The following ATRN variants were observed in gnomAD, a reference collection of about 807,000 sequenced individuals.
The protein encoded by ATRN is attractin-2.
Under a neutral mutation model 178.7 loss-of-function variants are expected in ATRN, and 54 were observed. The ratio of observed to expected loss-of-function variants is 0.30; its 90% CI spans 0.24 to 0.38. The LOEUF is 0.38. ATRN is among the 10% of genes least tolerant of loss of function. The pLI is 1.00. For synonymous variants in ATRN, 636 were observed against 663.0 expected (o/e 0.96, Z 0.63); for missense variants, 1,443 against 1,815.1 (o/e 0.79, Z 3.73).
At chr20:3,547,035 T>C (rs1303285086) in intron 4 of ATRN, among the ~76,000 whole-genome samples, 3 of 152,210 alleles carry the variant, frequency 2.0e-5, no homozygotes, top group Non-Finnish European at 4.4e-5. Flanking sequence ...TCTTTGACTT[T>C]ATGAGTTATT....
chr20:3,475,076 G>C (rs1363375081), intron 1 of ATRN, among the ~76,000 whole-genome samples: 8 of 151,744 alleles, frequency 5.3e-5, no homozygotes, highest in African/African-American at 1.7e-4. Context: ...TATTCTTTTG[G>C]GGGCAAGAGT....
In ATRN at chr20:3,605,949, G is replaced by A. The variant is rs181374180; in HGVS notation, c.3801+1687G>A. Among the ~76,000 whole-genome samples, 3 of 152,268 alleles carry A rather than the reference G, an allele frequency of 2.0e-5. No homozygotes were observed. The East Asian group carries it at 5.8e-4, about 29-fold the overall frequency. ...AAGCAAGTTATCACTCATCAATTAG[G>A]ATGCCTTGGGACTGTGACTAAAGAA... On this transcript the variant is annotated intron_variant, in intron 24 of 28. Coordinates refer to ENST00000262919, the MANE Select transcript of ATRN (RefSeq NM_139321.3).
At chr20:3,490,765 A>G in intron 1 of ATRN, 3 of 790,714 alleles carry the variant, frequency 3.8e-6, no homozygotes, top group Middle Eastern at 2.3e-4. Flanking sequence ...AGTCTATTAT[A>G]GAATTCAGCA....
intron 1 of ATRN, among the ~76,000 whole-genome samples, chr20:3,497,634 T>C (rs1395718876): frequency 2.0e-5 from 3 of 152,138 alleles, no homozygotes; most frequent in Non-Finnish European, 1.5e-5. Context: ...CTGACAATTA[T>C]GTGTCTTGGA....
At chr20:3,528,366 CA>C (rs35386929) in intron 1 of ATRN, among the ~76,000 whole-genome samples, 61 of 141,216 alleles carry the variant, frequency 4.3e-4, no homozygotes, top group East Asian at 6.3e-4. Flanking sequence ...AACTCCGTCT[CA>C]AAAAAAAAAA....
chr20:3,489,616 C>G, intron 1 of ATRN: 7 of 1,462,118 alleles, frequency 4.8e-6, no homozygotes, highest in Non-Finnish European at 6.7e-6. Context: ...CCTCCAGTGT[C>G]AGGCTGCCAT....
intron 25 of ATRN, among the ~76,000 whole-genome samples, chr20:3,630,596 C>T (rs1398992068): frequency 6.6e-6 from 1 of 152,154 alleles, no homozygotes; most frequent in Non-Finnish European, 1.5e-5. Context: ...CTGCCAAGTA[C>T]GTACAGCCTG....
At chr20:3,508,350 T>C (rs945578382) in intron 1 of ATRN, among the ~76,000 whole-genome samples, 8 of 152,186 alleles carry the variant, frequency 5.3e-5, no homozygotes, top group African/African-American at 1.9e-4. Flanking sequence ...TGACAAACTT[T>C]CTTTTTAAAG....
chr20:3,572,689 C>G (rs1482124161), intron 11 of ATRN, 42 bp from the exon 12 acceptor site: 1 of 1,508,490 alleles, frequency 6.6e-7, no homozygotes, highest in South Asian at 1.2e-5. Flanking sequence ...CAATTGTTAT[C>G]TGAGTCTCTA....
intron 11 of ATRN, 84 bp downstream of exon 11, chr20:3,565,516 C>T: frequency 8.1e-7 from 1 of 1,229,472 alleles, no homozygotes; most frequent in Admixed American, 1.9e-5. Flanking sequence ...GCCTGTAATT[C>T]TGGCACTTTG....
intron 1 of ATRN, among the ~76,000 whole-genome samples, chr20:3,524,574 A>G (rs151539): frequency 0.27 from 40,601 of 152,096 alleles, 5,985 homozygotes; most frequent in African/African-American, 0.33. Flanking sequence ...CCTAATAGAC[A>G]TCTACCGAAC....
At chr20:3,586,518 A>G (rs906418272) in intron 18 of ATRN, among the ~76,000 whole-genome samples, 3 of 150,722 alleles carry the variant, frequency 2.0e-5, no homozygotes, top group Admixed American at 1.3e-4. Context: ...GAAGCCAGGT[A>G]CAAAAGATTA....
intron 1 of ATRN, among the ~76,000 whole-genome samples, chr20:3,517,272 T>G (rs2085218381): frequency 6.6e-6 from 1 of 152,066 alleles, no homozygotes; most frequent in Admixed American, 6.5e-5. Context: ...AAAAATAGGT[T>G]ACATATAATA....
chr20:3,493,069 T>G (rs962107645), intron 1 of ATRN, among the ~76,000 whole-genome samples: 1 of 146,606 alleles, frequency 6.8e-6, no homozygotes, highest in African/African-American at 2.5e-5. Flanking sequence ...ATAGATTATA[T>G]ATTATATATA....
At chr20:3,525,396 G>A (rs2085350067) in intron 1 of ATRN, among the ~76,000 whole-genome samples, 1 of 152,258 alleles carries the variant, frequency 6.6e-6, no homozygotes, top group East Asian at 1.9e-4. Context: ...CTGAAATTGA[G>A]GCAGTAATTG....
intron 16 of ATRN, among the ~76,000 whole-genome samples, chr20:3,583,536 C>T (rs910243746): frequency 2.6e-5 from 4 of 152,170 alleles, no homozygotes; most frequent in Admixed American, 2.6e-4. Flanking sequence ...TGGCTGGGCA[C>T]AGTGGCTCAC....
chr20:3,546,127 G>C (rs953548979), intron 4 of ATRN, among the ~76,000 whole-genome samples: 1 of 152,150 alleles, frequency 6.6e-6, no homozygotes, highest in African/African-American at 2.4e-5. Context: ...TAACTGGTGG[G>C]ACCACAATTT....
At chr20:3,540,864 A>T (rs2085608868) in intron 3 of ATRN, among the ~76,000 whole-genome samples, 1 of 152,164 alleles carries the variant, frequency 6.6e-6, no homozygotes, top group African/African-American at 2.4e-5. Flanking sequence ...TGGAGAAATG[A>T]GGAACATACT....
Position 3,585,525 on chromosome 20 carries a change from C to T in ATRN, c.3184+645C>T, listed in dbSNP as rs185980038. Among the ~76,000 whole-genome samples the T allele has an allele frequency of 4.0e-3, 610 of 152,252 alleles. 4 individuals carry two copies. Among genetic ancestry groups the T allele is most frequent in the African/African-American group, 0.014 (573 of 41,544 alleles). The stretch of plus-strand genomic sequence containing the variant: ...GTCTACTAAACTGGATCAAATTTTC[C>T]GTGTTCCCTTTTTTCCATACTAAGA... On this transcript the variant is annotated intron_variant, in intron 18 of 28. Transcript: ENST00000262919.
Sources: allele counts gnomAD v4.1 joint callset (sites outside exome capture counted in the v4.1 genomes callset), GRCh38; gene constraint gnomAD v4.1.1; transcripts MANE v1.5; gene names NCBI Gene and HGNC (gene_info 2026-07-23, HGNC 2026-07-21).